ELOVL6: variants seen among roughly 807,000 people sequenced by gnomAD.
ELOVL6 encodes the protein very long chain fatty acid elongase 6.
ELOVL6 carries 8 observed loss-of-function variants against 31.7 expected under a neutral mutation model. The observed-to-expected ratio is 0.25, with a 90% CI of 0.15 to 0.45. ELOVL6 has a LOEUF of 0.45. Among genes scored for constraint, ELOVL6 ranks in the 20% least tolerant of loss-of-function variants. ELOVL6 has a pLI of 1.00. For missense variants in ELOVL6, 126 were observed against 326.4 expected (o/e 0.39, Z 4.73); for synonymous variants, 101 against 117.7 (o/e 0.86, Z 0.92).
intron 2 of ELOVL6, among the ~76,000 whole-genome samples, chr4:110,062,393 G>A (rs149259378): frequency 1.5e-3 from 229 of 152,348 alleles, no homozygotes; most frequent in South Asian, 4.3e-3. Flanking sequence ...GTGGGCAAAG[G>A]CGCATTGTTG....
At chr4:110,149,155 C>T (rs1449578415) in intron 1 of ELOVL6, among the ~76,000 whole-genome samples, 2 of 152,222 alleles carry the variant, frequency 1.3e-5, no homozygotes, top group East Asian at 3.8e-4. Flanking sequence ...AGCCACCGCA[C>T]CCAGCTCTTC....
chr4:110,077,420 T>G (rs982073478), intron 2 of ELOVL6, among the ~76,000 whole-genome samples: 2 of 152,134 alleles, frequency 1.3e-5, no homozygotes, highest in Admixed American at 6.5e-5. Context: ...GCAGCAATAT[T>G]TGCTGGTCAC....
intron 2 of ELOVL6, among the ~76,000 whole-genome samples, chr4:110,081,378 C>T (rs1380195867): frequency 6.6e-6 from 1 of 152,152 alleles, no homozygotes; most frequent in Non-Finnish European, 1.5e-5. Context: ...CAGCATGGTA[C>T]TGGTACCAAA....
chr4:110,141,253 T>G (rs1039566411), intron 1 of ELOVL6, among the ~76,000 whole-genome samples: 4 of 151,924 alleles, frequency 2.6e-5, no homozygotes, highest in Non-Finnish European at 4.4e-5. Context: ...AGTAGAGACA[T>G]GGTTTCTCCA....
chr4:110,073,807 G>A (rs1578455489), intron 2 of ELOVL6, among the ~76,000 whole-genome samples: 1 of 151,960 alleles, frequency 6.6e-6, no homozygotes, highest in Admixed American at 6.6e-5. Context: ...GTGTGAGAGG[G>A]GAAATAAAAA....
At chr4:110,083,978 TGCCATATACGATATATAAC>T (rs1560813317) in intron 2 of ELOVL6, among the ~76,000 whole-genome samples, 1,353 of 106,314 alleles carry the variant, frequency 0.013, 98 homozygotes, top group Non-Finnish European at 0.021. Context: ...ATATAACATA[TGCCATATACGATATATAAC>T]ATATGCCATA....
intron 1 of ELOVL6, chr4:110,117,906 ATATAT>A (rs1757226143): frequency 3.1e-4 from 7 of 22,868 alleles, no homozygotes; most frequent in African/African-American, 1.3e-3. Context: ...AAAAAAAAAT[ATATAT>A]ATATATATAT....
chr4:110,128,709 G>A (rs1217433181), intron 1 of ELOVL6, among the ~76,000 whole-genome samples: 1 of 152,206 alleles, frequency 6.6e-6, no homozygotes, highest in Admixed American at 6.5e-5. Flanking sequence ...AGGGGCAACA[G>A]CAAGATCTAA....
At chr4:110,144,768 A>C (rs1384397158) in intron 1 of ELOVL6, among the ~76,000 whole-genome samples, 1 of 152,200 alleles carries the variant, frequency 6.6e-6, no homozygotes, top group Non-Finnish European at 1.5e-5. Flanking sequence ...CTTGCTTTGA[A>C]GAACTGAAAT....
chr4:110,165,128 A>G (rs17041402), intron 1 of ELOVL6, among the ~76,000 whole-genome samples: 1 of 152,188 alleles, frequency 6.6e-6, no homozygotes, highest in African/African-American at 2.4e-5. Flanking sequence ...TTCTTCAAAA[A>G]GAGGACTGGT....
At chr4:110,182,936 A>C (rs1578285885) in intron 1 of ELOVL6, among the ~76,000 whole-genome samples, 1 of 152,282 alleles carries the variant, frequency 6.6e-6, no homozygotes, top group East Asian at 1.9e-4. Flanking sequence ...CTGGAACAGC[A>C]GAAGGATAAG....
At chr4:110,113,041 G>A (rs995744048) in intron 1 of ELOVL6, among the ~76,000 whole-genome samples, 7 of 151,864 alleles carry the variant, frequency 4.6e-5, no homozygotes, top group South Asian at 2.1e-4. Context: ...TGGCTAACAC[G>A]GTGAAACCCC....
intron 1 of ELOVL6, among the ~76,000 whole-genome samples, chr4:110,190,947 T>C (rs1309237261): frequency 1.3e-5 from 2 of 151,854 alleles, no homozygotes; most frequent in African/African-American, 4.8e-5. Context: ...GCATCCAGAG[T>C]AGCTGGGACT....
chr4:110,192,057 G>A (rs1759638120), intron 1 of ELOVL6, among the ~76,000 whole-genome samples: 1 of 151,898 alleles, frequency 6.6e-6, no homozygotes, highest in Non-Finnish European at 1.5e-5. Flanking sequence ...GGGTGTAGTG[G>A]CGCATGCCTG....
intron 1 of ELOVL6, among the ~76,000 whole-genome samples, chr4:110,124,907 G>T (rs1299666624): frequency 6.6e-6 from 1 of 152,100 alleles, no homozygotes; most frequent in Non-Finnish European, 1.5e-5. Context: ...AAAGTATAAT[G>T]ATTTCTGACA....
chr4:110,143,548 G>GGTGAT (rs996456403), intron 1 of ELOVL6, among the ~76,000 whole-genome samples: 1 of 151,896 alleles, frequency 6.6e-6, no homozygotes, highest in Admixed American at 6.6e-5. Context: ...CTATTCAAAG[G>GGTGAT]GTGATGATAA....
intron 1 of ELOVL6, among the ~76,000 whole-genome samples, chr4:110,164,970 C>G (rs1758730852): frequency 6.6e-6 from 1 of 152,072 alleles, no homozygotes; most frequent in South Asian, 2.1e-4. Flanking sequence ...TCTCGAGGAG[C>G]TGGGACTACA....
At chr4:110,190,829 G>GT (rs1284063014) in intron 1 of ELOVL6, among the ~76,000 whole-genome samples, 10 of 146,894 alleles carry the variant, frequency 6.8e-5, no homozygotes, top group South Asian at 4.4e-4. Context: ...CAATTTTTGT[G>GT]TTTTTTTTGA....
chr4:110,054,565 T>C (rs1418173121), intron 3 of ELOVL6, among the ~76,000 whole-genome samples: 1 of 152,236 alleles, frequency 6.6e-6, no homozygotes, highest in East Asian at 1.9e-4. Context: ...TATAAACCCC[T>C]ATACAATTCC....
Sources: gnomAD v4.1 joint callset for allele counts (sites outside exome capture counted in the v4.1 genomes callset) on GRCh38, gnomAD v4.1.1 for gene constraint, MANE v1.5 for transcripts, NCBI Gene and HGNC (gene_info 2026-07-23, HGNC 2026-07-21) for gene names.